The following MGAT4A variants were observed in gnomAD, a reference collection of about 807,000 sequenced individuals.
MGAT4A encodes the protein N-acetylglucosaminyltransferase IVa.
In MGAT4A, 33 loss-of-function variants were observed where a neutral mutation model predicts 74.1. The ratio of observed to expected loss-of-function variants is 0.45; its 90% CI spans 0.34 to 0.60. MGAT4A has a LOEUF of 0.60. Among genes scored for constraint, MGAT4A ranks in the 20% least tolerant of loss-of-function variants. The pLI, the probability that MGAT4A is intolerant of heterozygous loss-of-function variation, is 0.02. For synonymous variants in MGAT4A, 198 were observed against 210.4 expected, an observed-to-expected ratio of 0.94 and a Z score of 0.51; for missense variants, 479 against 628.3, an observed-to-expected ratio of 0.76 and a Z score of 2.54.
rs1156787307 is a variant in MGAT4A, at chr2:98,640,145, T to G, written c.1104A>C (p.Leu368=). The change falls in exon 11 of 16, where the codon CTA becomes CTC. Residue 368 remains leucine (L), a synonymous_variant. Coordinates refer to ENST00000393487, the MANE Select transcript of MGAT4A (RefSeq NM_012214.3). The part of the protein sequence containing the change: ...LFQHVGLHSS[L]SGKIQKLTDK... ...CCGTGAGTTTTTGGATTTTTCCTGA[T>G]AGTGATGAGTGCAGACCAACATGTT... is the stretch of plus-strand genomic sequence containing the variant. 1 of 1,609,532 alleles carries G rather than the reference T, an allele frequency of 6.2e-7. No homozygotes were observed. The highest frequency in any genetic ancestry group is 8.5e-7 in the Non-Finnish European group (1 of 1,178,754).
chr2:98,703,931 AT>A (rs2104317209), intron 2 of MGAT4A, among the ~76,000 whole-genome samples: 1 of 152,314 alleles, frequency 6.6e-6, no homozygotes, highest in Non-Finnish European at 1.5e-5. Context: ...AACAGCCGTC[AT>A]TCCCACCTCA....
chr2:98,716,202 CCTTCCCTCAA>C (rs922812363), intron 2 of MGAT4A, among the ~76,000 whole-genome samples: 3 of 151,954 alleles, frequency 2.0e-5, no homozygotes, highest in Non-Finnish European at 4.4e-5. Context: ...TGCCTGTGGG[CCTTCCCTCAA>C]CTTCAGAAGC....
intron 4 of MGAT4A, among the ~76,000 whole-genome samples, chr2:98,664,531 T>C (rs1448573383): frequency 6.6e-6 from 1 of 152,166 alleles, no homozygotes; most frequent in Non-Finnish European, 1.5e-5. Flanking sequence ...GCTGTCTCAG[T>C]TCACCACAAC....
At chr2:98,667,928 C>G (rs1395994745) in intron 4 of MGAT4A, among the ~76,000 whole-genome samples, 1 of 152,128 alleles carries the variant, frequency 6.6e-6, no homozygotes, top group Non-Finnish European at 1.5e-5. Flanking sequence ...CCATGTTGGT[C>G]AGGCTGGTCT....
At chr2:98,682,444 A>AAAG (rs1702074185) in intron 2 of MGAT4A, among the ~76,000 whole-genome samples, 2 of 151,340 alleles carry the variant, frequency 1.3e-5, no homozygotes, top group Non-Finnish European at 2.9e-5. Flanking sequence ...AAAAAAAAAA[A>AAAG]AAACCACCAC....
intron 2 of MGAT4A, among the ~76,000 whole-genome samples, chr2:98,720,623 AGTGTGTGTGT>A (rs57302536): frequency 1.3e-5 from 2 of 150,784 alleles, no homozygotes; most frequent in African/African-American, 2.4e-5. Context: ...CATGTGTTTG[AGTGTGTGTGT>A]GTGTGTGTGT....
At chr2:98,713,621 G>A (rs999526759) in intron 2 of MGAT4A, among the ~76,000 whole-genome samples, 34 of 152,228 alleles carry the variant, frequency 2.2e-4, no homozygotes, top group African/African-American at 7.2e-4. Context: ...AGAAATCCAG[G>A]AAGCATAAAT....
chr2:98,689,059 A>G (rs879613694), intron 2 of MGAT4A, among the ~76,000 whole-genome samples: 14 of 152,230 alleles, frequency 9.2e-5, no homozygotes, highest in African/African-American at 3.4e-4. Flanking sequence ...GAAGAATGAT[A>G]GAACCACCTG....
Position 98,625,377 on chromosome 2 carries a change from G to A in MGAT4A, c.*189C>T. 4 of 1,398,866 alleles carry A rather than the reference G, an allele frequency of 2.9e-6. No homozygotes were observed. The highest frequency in any genetic ancestry group is 3.7e-6 in the Non-Finnish European group (4 of 1,076,482). The allele number at this position is 1,398,866 out of a possible 1,614,324, so 86.7% of individuals were successfully genotyped here. A position where few individuals can be genotyped will look rare whatever the true frequency, so the allele number is the denominator to read the frequency against. On this transcript the variant is annotated 3_prime_UTR_variant, in exon 16 of 16. Transcript: ENST00000393487. ...AAATGTTTGAGTCAAGTTAAAATCT[G>A]AGGACAGCTTAGTTTCAAACAAATA...
At chr2:98,688,351 C>A (rs747832650) in intron 2 of MGAT4A, among the ~76,000 whole-genome samples, 86 of 152,148 alleles carry the variant, frequency 5.7e-4, no homozygotes, top group Non-Finnish European at 1.1e-3. Flanking sequence ...TCTGCAGTGA[C>A]CCCAGTGACC....
chr2:98,622,785 CACAA>C lies in MGAT4A; in HGVS notation c.*2777_*2780del, dbSNP rs1701080025. 2.0e-6 allele frequency: 2 copies of C among 985,652 alleles called. No homozygotes were observed. The highest frequency in any genetic ancestry group is 4.7e-5 in the South Asian group (1 of 21,292). 61.1% of individuals were successfully genotyped at this position (985,652 alleles called of 1,614,324 possible). On this transcript the variant is annotated 3_prime_UTR_variant, in exon 16 of 16. Transcript: ENST00000393487. ...TCAGAGAGACAGCACACACCATACACACAAACAATCAAAAACTAGACAACCGATT... is the reference window on the plus strand; with the variant it reads ...TCAGAGAGACAGCACACACCATACACACAATCAAAAACTAGACAACCGATT...
chr2:98,679,809 A>G (rs928722423), intron 2 of MGAT4A, among the ~76,000 whole-genome samples: 1 of 152,320 alleles, frequency 6.6e-6, no homozygotes, highest in Admixed American at 6.5e-5. Flanking sequence ...GAATCAGCAC[A>G]AAGTGTACAG....
chr2:98,691,756 T>G (rs1280309730), intron 2 of MGAT4A, among the ~76,000 whole-genome samples: 3 of 152,128 alleles, frequency 2.0e-5, no homozygotes, highest in African/African-American at 7.2e-5. Flanking sequence ...GAAGGTATCC[T>G]AGAAGGAGGC....
At chr2:98,721,400 T>C (rs1161210634) in intron 2 of MGAT4A, among the ~76,000 whole-genome samples, 1 of 130,256 alleles carries the variant, frequency 7.7e-6, no homozygotes, top group Non-Finnish European at 1.5e-5. Flanking sequence ...TTTTTTCTTC[T>C]TTCTGTTAAC....
chr2:98,676,017 T>C (rs889715127), intron 3 of MGAT4A, among the ~76,000 whole-genome samples: 1 of 152,174 alleles, frequency 6.6e-6, no homozygotes, highest in African/African-American at 2.4e-5. Context: ...ATTTTATACA[T>C]AGGATGTTTC....
chr2:98,719,797 A>C (rs1446380280), intron 2 of MGAT4A, among the ~76,000 whole-genome samples: 2 of 151,934 alleles, frequency 1.3e-5, no homozygotes, highest in Non-Finnish European at 2.9e-5. Context: ...ACAGGTGCCC[A>C]CCACCACGCC....
chr2:98,701,277 C>T (rs1335327343), intron 2 of MGAT4A, among the ~76,000 whole-genome samples: 1 of 152,184 alleles, frequency 6.6e-6, no homozygotes, highest in Non-Finnish European at 1.5e-5. Flanking sequence ...ATCTATTAGT[C>T]TCTTTTTTAT....
At chr2:98,633,037 C>T (rs1241292094) in intron 14 of MGAT4A, among the ~76,000 whole-genome samples, 1 of 152,236 alleles carries the variant, frequency 6.6e-6, no homozygotes, top group Non-Finnish European at 1.5e-5. Context: ...AGATTACAGG[C>T]ATGAGCCACT....
chr2:98,730,722 C>T (rs1417710191), intron 1 of MGAT4A, among the ~76,000 whole-genome samples: 1 of 150,770 alleles, frequency 6.6e-6, no homozygotes, highest in African/African-American at 2.4e-5. Flanking sequence ...GCCGAGCCGG[C>T]CGCAGAGAGG....
Sources: gnomAD v4.1 joint callset for allele counts (sites outside exome capture counted in the v4.1 genomes callset) on GRCh38, gnomAD v4.1.1 for gene constraint, MANE v1.5 for transcripts, NCBI Gene and HGNC (gene_info 2026-07-23, HGNC 2026-07-21) for gene names.